The following KDM4C variants were observed in gnomAD, a reference collection of about 807,000 sequenced individuals.
KDM4C encodes lysine demethylase 4C.
A neutral mutation model predicts 129.3 loss-of-function variants in KDM4C; 81 were observed. The ratio of observed to expected loss-of-function variants is 0.63; its 90% CI spans 0.52 to 0.75. KDM4C has a LOEUF of 0.75. KDM4C is among the 30% of genes least tolerant of loss of function. The pLI, the probability that KDM4C is intolerant of heterozygous loss-of-function variation, is 0.00. For synonymous variants in KDM4C, 573 were observed against 456.1 expected (o/e 1.26, Z -3.26); for missense variants, 1,457 against 1,304.0 (o/e 1.12, Z -1.81).
intron 5 of KDM4C, among the ~76,000 whole-genome samples, chr9:6,858,202 A>G (rs1461693958): frequency 1.3e-5 from 2 of 152,086 alleles, no homozygotes; most frequent in Non-Finnish European, 2.9e-5. Context: ...CCATTGTGAG[A>G]ATCCCTTTTC....
At chr9:7,017,536 T>C (rs1005820192) in intron 15 of KDM4C, among the ~76,000 whole-genome samples, 6 of 152,214 alleles carry the variant, frequency 3.9e-5, no homozygotes. Flanking sequence ...ATCTTTGTTT[T>C]CCATTCTAAC....
chr9:6,978,846 C>G (rs1334916093), intron 8 of KDM4C: 1 of 152,204 alleles, frequency 6.6e-6, no homozygotes, highest in Non-Finnish European at 1.5e-5. Context: ...ATCCTCCAGT[C>G]TCGGAGCACA....
chr9:7,164,350 T>TAAA (rs113564814), intron 19 of KDM4C, among the ~76,000 whole-genome samples: 77,185 of 147,062 alleles, frequency 0.52, 20,617 homozygotes, highest in Non-Finnish European at 0.58. Flanking sequence ...TGCCACGCCT[T>TAAA]AAAAAAACAA....
intron 5 of KDM4C, among the ~76,000 whole-genome samples, chr9:6,879,604 T>G (rs141360533): frequency 6.6e-6 from 1 of 152,254 alleles, no homozygotes; most frequent in East Asian, 1.9e-4. Context: ...CAGATTTTCT[T>G]AAAAACAAAA....
chr9:7,105,566 C>G (rs1408580552), intron 18 of KDM4C: 2 of 426,586 alleles, frequency 4.7e-6, no homozygotes, highest in Non-Finnish European at 9.9e-6. Flanking sequence ...ATTCCTTGCC[C>G]AAATAGATGC....
rs534245533 is a variant in KDM4C, at chr9:6,849,533, C to T, written c.462C>T (p.Arg154=). The change falls in exon 5 of 22, where the codon CGC becomes CGT. Residue 154 remains arginine (R), a synonymous_variant. Transcript: ENST00000381309. ...DEGVDEWNIA[R]LNTVLDVVEE... ...GTGTGGATGAATGGAACATAGCTCG[C>T]CTCAATACAGTCTTGGATGTGGTTG... 1.7e-4 allele frequency: 272 copies of T among 1,605,476 alleles called. No individual in the cohort carries two copies. In the East Asian group the frequency reaches 4.3e-3, roughly 25 times the overall value.
At chr9:7,014,501 C>G (rs1823291074) in intron 14 of KDM4C, among the ~76,000 whole-genome samples, 1 of 152,078 alleles carries the variant, frequency 6.6e-6, no homozygotes, top group Admixed American at 6.5e-5. Flanking sequence ...TGTTTTACCC[C>G]TGCACTGGGA....
intron 8 of KDM4C, among the ~76,000 whole-genome samples, chr9:6,976,915 C>G (rs2760662): frequency 0.99 from 151,265 of 152,308 alleles, 75,121 homozygotes; most frequent in East Asian, 1. Flanking sequence ...GATAGGACAG[C>G]ATAGGTCTAG....
intron 8 of KDM4C, among the ~76,000 whole-genome samples, chr9:6,899,569 G>GTGTT (rs1330467752): frequency 2.1e-4 from 32 of 151,946 alleles, no homozygotes; most frequent in African/African-American, 7.2e-4. Context: ...GTGTGTGTGT[G>GTGTT]TTTAACTTGC....
At chr9:6,858,431 A>G (rs1588739824) in intron 5 of KDM4C, among the ~76,000 whole-genome samples, 2 of 152,112 alleles carry the variant, frequency 1.3e-5, no homozygotes, top group Admixed American at 6.5e-5. Context: ...TCTAGGGAAA[A>G]ACCAGAATGT....
chr9:6,967,693 ATC>A (rs1831241880), intron 8 of KDM4C, among the ~76,000 whole-genome samples: 1 of 152,100 alleles, frequency 6.6e-6, no homozygotes, highest in African/African-American at 2.4e-5. Context: ...CTGCCTTATA[ATC>A]TCTGTAAGTT....
chr9:7,153,420 C>G (rs925005074), intron 19 of KDM4C, among the ~76,000 whole-genome samples: 3 of 152,190 alleles, frequency 2.0e-5, no homozygotes, highest in Non-Finnish European at 2.9e-5. Context: ...GGAATACATT[C>G]TTGTGGATAT....
intron 15 of KDM4C, among the ~76,000 whole-genome samples, chr9:7,022,098 A>G (rs888652643): frequency 4.6e-5 from 7 of 151,946 alleles, no homozygotes; most frequent in Non-Finnish European, 5.9e-5. Context: ...TGATTCTTCC[A>G]TTTTGTTCTT....
chr9:6,966,732 A>T (rs1015008798), intron 8 of KDM4C, among the ~76,000 whole-genome samples: 6 of 152,166 alleles, frequency 3.9e-5, no homozygotes, highest in Admixed American at 2.6e-4. Flanking sequence ...TAGGGAAAAA[A>T]AGTCTTCATT....
chr9:6,764,767 A>G (rs1820278747), intron 1 of KDM4C, among the ~76,000 whole-genome samples: 1 of 152,228 alleles, frequency 6.6e-6, no homozygotes, highest in Admixed American at 6.5e-5. Flanking sequence ...ATGAGTCATC[A>G]AAGCCTTTGT....
chr9:6,793,993 A>G (rs1827249647), intron 2 of KDM4C, among the ~76,000 whole-genome samples: 1 of 152,138 alleles, frequency 6.6e-6, no homozygotes, highest in Non-Finnish European at 1.5e-5. Context: ...CATTTTCATC[A>G]TCCCCCAAAG....
Position 6,984,419 on chromosome 9 carries a change from G to C in KDM4C, c.1354+15G>C, listed in dbSNP as rs529786927. ...CAAACTCTCAGGTGAGAAGATGGTTGATTAGGTTTCACATATAAGTAGTAG... is the reference window on the plus strand; with the variant it reads ...CAAACTCTCAGGTGAGAAGATGGTTCATTAGGTTTCACATATAAGTAGTAG... On this transcript the variant is annotated intron_variant, in intron 10 of 21. Coordinates refer to ENST00000381309, the MANE Select transcript of KDM4C (RefSeq NM_015061.6). 6.5e-7 allele frequency: 1 copy of C among 1,547,758 alleles called. No individual in the cohort carries two copies. The highest frequency in any genetic ancestry group is 8.9e-7 in the Non-Finnish European group (1 of 1,121,082).
At chr9:6,892,466 GC>G (rs1449541066) in intron 7 of KDM4C, among the ~76,000 whole-genome samples, 2 of 151,906 alleles carry the variant, frequency 1.3e-5, no homozygotes, top group African/African-American at 4.8e-5. Context: ...TTTTTTAAAG[GC>G]TCAGGCTTAT....
intron 8 of KDM4C, among the ~76,000 whole-genome samples, chr9:6,973,150 CT>C (rs1832294336): frequency 1.3e-5 from 2 of 152,152 alleles, no homozygotes; most frequent in Non-Finnish European, 2.9e-5. Flanking sequence ...AATTGTCAAA[CT>C]TTTATTTCAA....
Sources: allele counts gnomAD v4.1 joint callset (sites outside exome capture counted in the v4.1 genomes callset), GRCh38; gene constraint gnomAD v4.1.1; transcripts MANE v1.5; gene names NCBI Gene and HGNC (gene_info 2026-07-23, HGNC 2026-07-21).